DTWD2: variants seen among roughly 807,000 people sequenced by gnomAD.
The protein encoded by DTWD2 is DTW motif tRNA-uridine aminocarboxypropyltransferase 2.
A neutral mutation model predicts 31.8 loss-of-function variants in DTWD2; 39 were observed. The ratio of observed to expected loss-of-function variants is 1.22; its 90% CI spans 0.95 to 1.60. The LOEUF is 1.60. DTWD2 is among the 40% of genes most tolerant of loss of function. The probability of loss-of-function intolerance (pLI) is 0.00; values close to 1 mark genes in which losing one functional copy is unlikely to be tolerated. For missense variants in DTWD2, 515 were observed against 381.5 expected, an observed-to-expected ratio of 1.35 and a Z score of -2.92; for synonymous variants, 180 against 142.8, an observed-to-expected ratio of 1.26 and a Z score of -1.86.
chr5:118,974,111 G>C (rs569965197), intron 1 of DTWD2: 5 of 1,588,354 alleles, frequency 3.1e-6, no homozygotes, highest in Admixed American at 1.8e-5. Flanking sequence ...GCAGAAGACC[G>C]ACGAGGATGA....
Position 118,988,489 on chromosome 5 carries a change from C to G in DTWD2, c.23G>C (p.Arg8Pro), listed in dbSNP as rs769369908. The part of the protein sequence containing the change: MESQKEA[R>P]TLQEPVARPS... ...CCGCGCAACGGGCTCCTGGAGTGTT[C>G]GTGCCTCTTTCTGCGACTCCATGGC... The change falls in exon 1 of 6, where the codon CGA becomes CCA. Residue 8 changes from arginine to proline, a missense_variant. Physicochemically the swap from Arg to Pro is moderately radical, Grantham distance 103. Transcript: ENST00000510708. 19 of 1,589,414 alleles carry G rather than the reference C, an allele frequency of 1.2e-5. No homozygotes were observed. The highest frequency in any genetic ancestry group is 1.5e-5 in the Non-Finnish European group (17 of 1,169,824).
intron 4 of DTWD2, among the ~76,000 whole-genome samples, chr5:118,887,932 T>C (rs1371259196): frequency 6.6e-6 from 1 of 152,192 alleles, no homozygotes; most frequent in Non-Finnish European, 1.5e-5. Flanking sequence ...TGAGTTACCA[T>C]GCCTGGCCAG....
At chr5:118,911,212 T>C (rs935090295) in intron 4 of DTWD2, among the ~76,000 whole-genome samples, 7 of 152,216 alleles carry the variant, frequency 4.6e-5, no homozygotes, top group African/African-American at 7.2e-5. Context: ...CACTAACTGA[T>C]TGTGCCACTG....
chr5:118,885,030 T>C (rs861994), intron 4 of DTWD2, among the ~76,000 whole-genome samples: 1 of 142,580 alleles, frequency 7.0e-6, no homozygotes, highest in Non-Finnish European at 1.5e-5. Flanking sequence ...TCGTCCAGGT[T>C]GGGTATAGTG....
intron 1 of DTWD2, among the ~76,000 whole-genome samples, chr5:118,979,031 G>A (rs531824478): frequency 7.3e-5 from 11 of 150,724 alleles, no homozygotes; most frequent in South Asian, 4.2e-4. Context: ...GAGGCCAGGC[G>A]CGGTGGCTCA....
intron 4 of DTWD2, among the ~76,000 whole-genome samples, chr5:118,918,324 G>GTT: frequency 6.8e-6 from 1 of 147,880 alleles, no homozygotes; most frequent in Non-Finnish European, 1.5e-5. Context: ...TATCAGTCAG[G>GTT]TTTTTTTTTA....
Position 118,848,141 on chromosome 5 carries a change from C to A in DTWD2, c.675G>T (p.Glu225Asp). ...AGATGGAAAGAGCAACAGCTGCACA[C>A]TCCAGTGTAGAAAGGCATCTATTAG... is the stretch of plus-strand genomic sequence containing the variant. ...QPTNRCLSTLECAAVALSILE... is the reference protein window; with the variant it reads ...QPTNRCLSTLDCAAVALSILE... Residue 225 changes from glutamate (E) to aspartate (D), a missense_variant, in exon 5 of 6, where the codon GAG (glutamate) becomes GAT (aspartate). Glu to Asp is a conservative substitution (Grantham distance 45). Transcript: ENST00000510708. 1 of 1,607,032 alleles carries A rather than the reference C, an allele frequency of 6.2e-7. No individual in the cohort carries two copies. The highest frequency in any genetic ancestry group is 8.5e-7 in the Non-Finnish European group (1 of 1,176,902).
intron 1 of DTWD2, among the ~76,000 whole-genome samples, chr5:118,975,422 C>T (rs1354250939): frequency 1.3e-5 from 2 of 152,046 alleles, no homozygotes; most frequent in Admixed American, 6.6e-5. Flanking sequence ...CTTAGCAATT[C>T]GTCTAACCTT....
At chr5:118,863,178 T>C (rs958631193) in intron 4 of DTWD2, among the ~76,000 whole-genome samples, 9 of 152,228 alleles carry the variant, frequency 5.9e-5, no homozygotes, top group African/African-American at 1.4e-4. Context: ...GCTTTTACTT[T>C]AGGTTATTTA....
At chr5:118,968,712 T>C (rs1249125343) in intron 1 of DTWD2, among the ~76,000 whole-genome samples, 1 of 152,222 alleles carries the variant, frequency 6.6e-6, no homozygotes, top group Non-Finnish European at 1.5e-5. Context: ...GGCTCTGGTA[T>C]GCACAGAGAC....
At chr5:118,941,675 T>A (rs10079150) in intron 2 of DTWD2, among the ~76,000 whole-genome samples, 6 of 152,212 alleles carry the variant, frequency 3.9e-5, no homozygotes, top group African/African-American at 1.2e-4. Flanking sequence ...ATGATTTATA[T>A]TCCTTTGGGT....
intron 1 of DTWD2, among the ~76,000 whole-genome samples, chr5:118,971,416 T>C (rs1754985007): frequency 1.3e-5 from 2 of 152,054 alleles, no homozygotes; most frequent in African/African-American, 4.8e-5. Flanking sequence ...AAGGGTTCAG[T>C]TCAACAAGGA....
chr5:118,893,146 C>A (rs917938196), intron 4 of DTWD2, among the ~76,000 whole-genome samples: 2 of 151,826 alleles, frequency 1.3e-5, no homozygotes, highest in African/African-American at 4.8e-5. Context: ...GAGGCCAAGG[C>A]GAGCCAATGC....
intron 4 of DTWD2, among the ~76,000 whole-genome samples, chr5:118,859,988 T>A (rs1752222671): frequency 6.6e-6 from 1 of 151,880 alleles, no homozygotes; most frequent in African/African-American, 2.4e-5. Context: ...TGTGGTAGCA[T>A]GCACCTGCAG....
intron 1 of DTWD2, among the ~76,000 whole-genome samples, chr5:118,970,067 C>A (rs1554071270): frequency 6.6e-6 from 1 of 152,106 alleles, no homozygotes; most frequent in Non-Finnish European, 1.5e-5. Context: ...ATAGACCAAG[C>A]AGAGGAAAGA....
intron 1 of DTWD2, among the ~76,000 whole-genome samples, chr5:118,968,304 A>G (rs1312996894): frequency 6.6e-6 from 1 of 152,222 alleles, no homozygotes; most frequent in Non-Finnish European, 1.5e-5. Context: ...TGAACCAGAA[A>G]AAAATGAACT....
chr5:118,880,496 T>G (rs1273061201), intron 4 of DTWD2, among the ~76,000 whole-genome samples: 3 of 152,162 alleles, frequency 2.0e-5, no homozygotes, highest in African/African-American at 7.2e-5. Context: ...CTTATTTCCT[T>G]TTAGAAAATA....
At chr5:118,961,390 T>C (rs1754703332) in intron 1 of DTWD2, among the ~76,000 whole-genome samples, 2 of 152,252 alleles carry the variant, frequency 1.3e-5, no homozygotes, top group Admixed American at 1.3e-4. Context: ...ATTTTATATT[T>C]CCATAGTTTG....
chr5:118,842,143 T>G (rs954789896), intron 5 of DTWD2, among the ~76,000 whole-genome samples: 1 of 152,144 alleles, frequency 6.6e-6, no homozygotes, highest in Non-Finnish European at 1.5e-5. Flanking sequence ...AAGGGCTTAA[T>G]AGCTTTAATT....
Sources: allele counts gnomAD v4.1 joint callset (sites outside exome capture counted in the v4.1 genomes callset), GRCh38; gene constraint gnomAD v4.1.1; transcripts MANE v1.5; gene names NCBI Gene and HGNC (gene_info 2026-07-23, HGNC 2026-07-21).